SH3D19: variants seen among roughly 807,000 people sequenced by gnomAD.
The protein encoded by SH3D19 is SH3 domain-containing protein 19.
In SH3D19, 58 loss-of-function variants were observed where a neutral mutation model predicts 112.1. The ratio of observed to expected loss-of-function variants is 0.52; its 90% CI spans 0.42 to 0.64. The LOEUF (loss-of-function observed/expected upper bound fraction) is 0.64, where lower values mean the gene tolerates loss of function less well. SH3D19 is among the 30% of genes least tolerant of loss of function. SH3D19 has a pLI of 0.00. For missense variants in SH3D19, 1,090 were observed against 1,263.4 expected (o/e 0.86, Z 2.08); for synonymous variants, 391 against 448.5 (o/e 0.87, Z 1.62).
intron 7 of SH3D19, among the ~76,000 whole-genome samples, chr4:151,168,750 AAC>A (rs1374960539): frequency 6.6e-6 from 1 of 152,094 alleles, no homozygotes; most frequent in African/African-American, 2.4e-5. Context: ...CTATTTCTTT[AAC>A]AGCTGCTTTT....
intron 1 of SH3D19, among the ~76,000 whole-genome samples, chr4:151,323,180 A>C (rs1182373411): frequency 1.3e-5 from 2 of 152,200 alleles, no homozygotes; most frequent in African/African-American, 4.8e-5. Flanking sequence ...GGAGAGAAGG[A>C]AGAGTTCACA....
At chr4:151,279,102 C>G in intron 1 of SH3D19, 3 of 423,792 alleles carry the variant, frequency 7.1e-6, no homozygotes, top group Non-Finnish European at 1.4e-5. Flanking sequence ...AAAGCTGTGG[C>G]CCAAGTATAG....
At chr4:151,185,466 A>T (rs1450319946) in intron 3 of SH3D19, among the ~76,000 whole-genome samples, 3 of 152,134 alleles carry the variant, frequency 2.0e-5, no homozygotes, top group African/African-American at 7.2e-5. Context: ...CAGCCAATAA[A>T]TTCTTGCCTA....
chr4:151,180,612 T>C (rs1288886551), intron 3 of SH3D19, among the ~76,000 whole-genome samples: 2 of 151,838 alleles, frequency 1.3e-5, no homozygotes, highest in South Asian at 2.1e-4. Context: ...TTCACCGTGT[T>C]AGCCAGGATG....
At chr4:151,268,063 T>C (rs1254408217) in intron 1 of SH3D19, among the ~76,000 whole-genome samples, 2 of 152,206 alleles carry the variant, frequency 1.3e-5, no homozygotes, top group Non-Finnish European at 2.9e-5. Context: ...GATTTCGTCA[T>C]TGTGTGAACA....
chr4:151,186,052 C>T (rs1761724137), intron 3 of SH3D19, among the ~76,000 whole-genome samples: 1 of 152,068 alleles, frequency 6.6e-6, no homozygotes, highest in Admixed American at 6.6e-5. Context: ...GGGGGAAAAA[C>T]AACCAAGTTA....
chr4:151,133,234 C>A lies in SH3D19; in HGVS notation c.2489G>T (p.Gly830Val), dbSNP rs993964251. The change falls in exon 16 of 20, where the codon GGC (glycine) becomes GTC (valine). Residue 830 changes from glycine (G) to valine (V), a missense_variant and splice_region_variant. By Grantham distance (109) the Gly-to-Val change is moderately radical. Coordinates refer to ENST00000604030, the MANE Select transcript of SH3D19 (RefSeq NM_001378122.1). ...RECVSSHCVK[G>V]SRCVARFEYI... The stretch of plus-strand genomic sequence containing the variant: ...TTCAAACCGAGCAACACATCTTGAG[C>A]CTCTGAATGAAGAACACATTTTGTG... 6.2e-7 allele frequency: 1 copy of A among 1,613,816 alleles called. No homozygotes were observed. Among genetic ancestry groups the A allele is most frequent in the Non-Finnish European group, 8.5e-7 (1 of 1,179,914 alleles).
intron 2 of SH3D19, among the ~76,000 whole-genome samples, chr4:151,220,831 T>C (rs942293734): frequency 6.6e-6 from 1 of 152,200 alleles, no homozygotes; most frequent in Admixed American, 6.5e-5. Context: ...TAACTCACCA[T>C]TTCATAAACT....
intron 4 of SH3D19, among the ~76,000 whole-genome samples, chr4:151,177,738 T>C (rs1760174733): frequency 1.3e-5 from 2 of 152,244 alleles, no homozygotes; most frequent in African/African-American, 4.8e-5. Flanking sequence ...CATCTCTGTT[T>C]CAATTCACAG....
intron 14 of SH3D19, among the ~76,000 whole-genome samples, chr4:151,135,421 A>ATTTTTTT (rs34291277): frequency 3.1e-4 from 27 of 87,480 alleles, no homozygotes; most frequent in South Asian, 4.6e-4. Context: ...TCTCTATCTC[A>ATTTTTTT]TTTTTTTTTT....
At chr4:151,258,187 T>A (rs1311633914) in intron 1 of SH3D19, among the ~76,000 whole-genome samples, 2 of 152,160 alleles carry the variant, frequency 1.3e-5, no homozygotes, top group Non-Finnish European at 1.5e-5. Context: ...TAACACAATA[T>A]CCTTAACACA....
intron 1 of SH3D19, among the ~76,000 whole-genome samples, chr4:151,271,287 T>C (rs1007148150): frequency 1.1e-4 from 17 of 152,228 alleles, no homozygotes; most frequent in African/African-American, 4.1e-4. Context: ...TATAGTAGAC[T>C]GATTGATGGG....
intron 1 of SH3D19, chr4:151,283,128 C>A: frequency 6.2e-7 from 1 of 1,613,674 alleles, no homozygotes; most frequent in African/African-American, 1.3e-5. Context: ...TAGAGATTAC[C>A]ATTCTGCCCT....
chr4:151,144,307 A>T (rs1753546676), intron 11 of SH3D19: 4 of 1,609,396 alleles, frequency 2.5e-6, no homozygotes, highest in Non-Finnish European at 3.4e-6. Flanking sequence ...TAAACCAATA[A>T]AAGGCTTATT....
chr4:151,229,355 C>T (rs188921319), intron 1 of SH3D19, among the ~76,000 whole-genome samples: 15 of 152,280 alleles, frequency 9.9e-5, no homozygotes, highest in Non-Finnish European at 1.6e-4. Flanking sequence ...AAATGCTACA[C>T]ATTTGCTGTG....
At chr4:151,305,463 G>C (rs1728828983) in intron 1 of SH3D19, among the ~76,000 whole-genome samples, 1 of 152,094 alleles carries the variant, frequency 6.6e-6, no homozygotes, top group Admixed American at 6.6e-5. Flanking sequence ...TTAGCTCTTT[G>C]AACATATTTA....
chr4:151,126,858 G>T (rs1174672935), intron 19 of SH3D19, among the ~76,000 whole-genome samples: 1 of 131,252 alleles, frequency 7.6e-6, no homozygotes, highest in Non-Finnish European at 1.6e-5. Context: ...AAGAAATTAG[G>T]CATTTCTTCG....
chr4:151,212,740 T>C (rs536496839), intron 2 of SH3D19, among the ~76,000 whole-genome samples: 93 of 152,250 alleles, frequency 6.1e-4, no homozygotes, highest in Middle Eastern at 3.4e-3. Context: ...GATCAAGGAG[T>C]TATTTTGACT....
chr4:151,281,466 G>C (rs1055035326), intron 1 of SH3D19, among the ~76,000 whole-genome samples: 3 of 152,118 alleles, frequency 2.0e-5, no homozygotes, highest in Admixed American at 6.5e-5. Context: ...AGTGGGAGGT[G>C]GGGGGTAGAC....
Sources: allele counts gnomAD v4.1 joint callset (sites outside exome capture counted in the v4.1 genomes callset), GRCh38; gene constraint gnomAD v4.1.1; transcripts MANE v1.5; gene names NCBI Gene and HGNC (gene_info 2026-07-23, HGNC 2026-07-21).